INPP4B: variants seen among roughly 807,000 people sequenced by gnomAD.
INPP4B encodes the protein inositol polyphosphate 4-phosphatase type II.
A neutral mutation model predicts 122.5 loss-of-function variants in INPP4B; 55 were observed. The observed-to-expected ratio is 0.45, with a 90% CI of 0.36 to 0.56. INPP4B has a LOEUF of 0.56. INPP4B is among the 20% of genes least tolerant of loss of function. INPP4B has a pLI of 0.00. For missense variants in INPP4B, 1,000 were observed against 1,097.7 expected, an observed-to-expected ratio of 0.91 and a Z score of 1.26; for synonymous variants, 403 against 388.7, an observed-to-expected ratio of 1.04 and a Z score of -0.43.
chr4:142,238,224 C>T (rs1352289800), intron 11 of INPP4B, among the ~76,000 whole-genome samples: 1 of 151,374 alleles, frequency 6.6e-6, no homozygotes, highest in African/African-American at 2.4e-5. Context: ...ATTTTGACAT[C>T]TTATTTTTTT....
At chr4:142,608,569 A>T (rs190318703) in intron 2 of INPP4B, among the ~76,000 whole-genome samples, 34 of 152,230 alleles carry the variant, frequency 2.2e-4, no homozygotes, top group African/African-American at 7.9e-4. Context: ...TGCCTAGAAC[A>T]ATACTTGGAA....
chr4:142,411,274 C>T (rs1246638794), intron 5 of INPP4B, among the ~76,000 whole-genome samples: 1 of 152,180 alleles, frequency 6.6e-6, no homozygotes, highest in African/African-American at 2.4e-5. Context: ...GATGATGGCC[C>T]ACAGGGGAGC....
At chr4:142,174,609 A>C (rs1180301949) in intron 15 of INPP4B, among the ~76,000 whole-genome samples, 1 of 142,524 alleles carries the variant, frequency 7.0e-6, no homozygotes, top group African/African-American at 2.5e-5. Context: ...AAAATTGATT[A>C]TTAACTAAAG....
intron 2 of INPP4B, among the ~76,000 whole-genome samples, chr4:142,533,608 T>C (rs996225573): frequency 5.3e-5 from 8 of 152,134 alleles, no homozygotes; most frequent in Non-Finnish European, 1.0e-4. Context: ...TATCACACTT[T>C]ATAAAAGATT....
intron 2 of INPP4B, among the ~76,000 whole-genome samples, chr4:142,617,135 C>T (rs1743885697): frequency 6.6e-6 from 1 of 152,048 alleles, no homozygotes; most frequent in Admixed American, 6.6e-5. Flanking sequence ...TTTGCTCAAA[C>T]ATGCATAAAC....
intron 3 of INPP4B, among the ~76,000 whole-genome samples, chr4:142,435,185 A>C (rs989086597): frequency 9.2e-5 from 14 of 152,168 alleles, no homozygotes; most frequent in Non-Finnish European, 1.9e-4. Flanking sequence ...GAAGCAGGGA[A>C]AAGGGGAGTT....
chr4:142,072,304 G>T (rs1353133161), intron 25 of INPP4B, among the ~76,000 whole-genome samples: 1 of 151,568 alleles, frequency 6.6e-6, no homozygotes, highest in Non-Finnish European at 1.5e-5. Context: ...CTTGGACACA[G>T]GGTGGGGAAC....
chr4:142,536,567 G>A (rs139744994), intron 2 of INPP4B, among the ~76,000 whole-genome samples: 2 of 152,088 alleles, frequency 1.3e-5, no homozygotes, highest in Non-Finnish European at 2.9e-5. Context: ...GCAGCTGCAC[G>A]TAGAGTGGTG....
At chr4:142,029,938 CA>C in intron 25 of INPP4B, 2 of 1,286,736 alleles carry the variant, frequency 1.6e-6, no homozygotes, top group Non-Finnish European at 2.0e-6. Flanking sequence ...TTTCCATGAA[CA>C]AAAGAGCAAA....
intron 25 of INPP4B, among the ~76,000 whole-genome samples, chr4:142,055,692 ATCTTT>A (rs1216303646): frequency 6.6e-6 from 1 of 151,590 alleles, no homozygotes; most frequent in Non-Finnish European, 1.5e-5. Context: ...TTTCTACTAA[ATCTTT>A]TTTTTTTGTA....
At chr4:142,433,382 T>A (rs1197291829) in intron 3 of INPP4B, among the ~76,000 whole-genome samples, 2 of 152,138 alleles carry the variant, frequency 1.3e-5, no homozygotes, top group African/African-American at 4.8e-5. Context: ...CTCACATCTT[T>A]TATCTTACTC....
At chr4:142,239,494 A>T (rs1434876727) in intron 11 of INPP4B, among the ~76,000 whole-genome samples, 1 of 152,178 alleles carries the variant, frequency 6.6e-6, no homozygotes, top group Admixed American at 6.6e-5. Flanking sequence ...TACAGAATAT[A>T]TATTTAGAGT....
intron 2 of INPP4B, among the ~76,000 whole-genome samples, chr4:142,649,345 T>C (rs762649397): frequency 1.3e-5 from 2 of 152,112 alleles, no homozygotes; most frequent in Non-Finnish European, 2.9e-5. Flanking sequence ...TTGCCAGCAA[T>C]GGAACAAAGC....
chr4:142,731,776 A>G (rs1043285064), intron 1 of INPP4B, among the ~76,000 whole-genome samples: 10 of 141,572 alleles, frequency 7.1e-5, no homozygotes, highest in East Asian at 1.9e-4. Flanking sequence ...TTTTCAGGGG[A>G]AAAAAAAAAC....
intron 7 of INPP4B, among the ~76,000 whole-genome samples, chr4:142,391,513 G>A (rs1797660462): frequency 6.6e-6 from 1 of 152,186 alleles, no homozygotes; most frequent in South Asian, 2.1e-4. Context: ...AGTAAGCCGA[G>A]ATCGTGCCAC....
chr4:142,609,216 A>C (rs1470300437), intron 2 of INPP4B, among the ~76,000 whole-genome samples: 1 of 151,338 alleles, frequency 6.6e-6, no homozygotes, highest in Non-Finnish European at 1.5e-5. Flanking sequence ...ATTTATATTT[A>C]AACATAAATA....
chr4:142,524,411 T>C (rs1187769019), intron 2 of INPP4B, among the ~76,000 whole-genome samples: 1 of 152,070 alleles, frequency 6.6e-6, no homozygotes, highest in East Asian at 1.9e-4. Flanking sequence ...TGGCCAGTGA[T>C]GATGAGCATT....
At chr4:142,153,356 A>G (rs1387885925) in intron 17 of INPP4B, among the ~76,000 whole-genome samples, 1 of 152,206 alleles carries the variant, frequency 6.6e-6, no homozygotes, top group Non-Finnish European at 1.5e-5. Flanking sequence ...CTTATTCACT[A>G]AATTTTGGAG....
intron 17 of INPP4B, among the ~76,000 whole-genome samples, chr4:142,146,601 A>T (rs1339185659): frequency 6.6e-6 from 1 of 152,094 alleles, no homozygotes; most frequent in Non-Finnish European, 1.5e-5. Context: ...TGTGAATTTG[A>T]CTATTCTAGG....
Sources: allele counts gnomAD v4.1 joint callset (sites outside exome capture counted in the v4.1 genomes callset), GRCh38; gene constraint gnomAD v4.1.1; transcripts MANE v1.5; gene names NCBI Gene and HGNC (gene_info 2026-07-23, HGNC 2026-07-21).